GATAD1: variants seen among roughly 807,000 people sequenced by gnomAD.
GATAD1 encodes the protein GATA zinc finger domain-containing protein 1.
GATAD1 carries 12 observed loss-of-function variants against 26.5 expected under a neutral mutation model. The ratio of observed to expected loss-of-function variants is 0.45; its 90% CI spans 0.29 to 0.73. The LOEUF (loss-of-function observed/expected upper bound fraction) is 0.73, where lower values mean the gene tolerates loss of function less well. GATAD1 is among the 30% of genes least tolerant of loss of function. The pLI is 0.10. For synonymous variants in GATAD1, 129 were observed against 133.1 expected (o/e 0.97, Z 0.21); for missense variants, 266 against 342.1 (o/e 0.78, Z 1.75).
Position 92,459,487 on chromosome 7 carries a change from T to G in GATAD1, c.*2925T>G, listed in dbSNP as rs1447234372. ...GCTGAGGCCGGACCTGATATGGCCC[T>G]GGTCTGTGTTCCCAGCCTTGTTTCC... On this transcript the variant is annotated 3_prime_UTR_variant, in exon 5 of 5. Coordinates refer to ENST00000287957, the MANE Select transcript of GATAD1 (RefSeq NM_021167.5). 2 of 152,238 alleles carry G rather than the reference T, an allele frequency of 1.3e-5. No individual in the cohort carries two copies. The highest frequency in any genetic ancestry group is 6.5e-5 in the Admixed American group (1 of 15,282). 9.4% of individuals were successfully genotyped at this position (152,238 alleles called of 1,614,324 possible). A position where few individuals can be genotyped will look rare whatever the true frequency, so the allele number is the denominator to read the frequency against.
At chr7:92,483,094 G>C in the GATAD1 span, among the ~76,000 whole-genome samples, 1 of 152,228 alleles carries the variant, frequency 6.6e-6, no homozygotes, top group Non-Finnish European at 1.5e-5. Flanking sequence ...GTCAGTCAGA[G>C]AGCCTTGGGC....
At chr7:92,450,816 C>A in intron 3 of GATAD1, 56 bp downstream of exon 3, 1 of 1,063,418 alleles carries the variant, frequency 9.4e-7, no homozygotes, top group East Asian at 2.4e-5. Flanking sequence ...TAATGTGCCA[C>A]TAAAATGTTG....
the GATAD1 span, among the ~76,000 whole-genome samples, chr7:92,467,555 A>T: frequency 6.6e-6 from 1 of 152,208 alleles, no homozygotes; most frequent in South Asian, 2.1e-4. Context: ...CTTAGTACAT[A>T]TGGTACCTTT....
chr7:92,462,150 G>A (rs1466155483), downstream of GATAD1, among the ~76,000 whole-genome samples: 1 of 152,112 alleles, frequency 6.6e-6, no homozygotes, highest in Non-Finnish European at 1.5e-5. Flanking sequence ...ACCAAAAAAT[G>A]GGTATAAAAA....
chr7:92,477,432 C>G, the GATAD1 span: 1 of 152,358 alleles, frequency 6.6e-6, no homozygotes, highest in Non-Finnish European at 1.5e-5. Context: ...GGGGTCCTTG[C>G]TCACAGAGCT....
chr7:92,480,703 G>T, the GATAD1 span, among the ~76,000 whole-genome samples: 3 of 152,172 alleles, frequency 2.0e-5, no homozygotes, highest in African/African-American at 7.2e-5. Context: ...ATGGGAAGGA[G>T]AAAAACTGGC....
chr7:92,470,935 G>C, the GATAD1 span: 1 of 167,376 alleles, frequency 6.0e-6, no homozygotes, highest in Non-Finnish European at 1.5e-5. Flanking sequence ...TGTCCTTTGA[G>C]TGTTTCATTC....
the GATAD1 span, among the ~76,000 whole-genome samples, chr7:92,482,346 G>C: frequency 6.6e-6 from 1 of 152,224 alleles, no homozygotes; most frequent in Non-Finnish European, 1.5e-5. Flanking sequence ...GTGCTACAGG[G>C]TGGATAGGCA....
chr7:92,452,927 GACAA>G (rs1445116734), intron 3 of GATAD1, among the ~76,000 whole-genome samples: 8 of 152,318 alleles, frequency 5.3e-5, no homozygotes, highest in East Asian at 3.9e-4. Flanking sequence ...TATACATGTG[GACAA>G]ACAAACCATA....
the GATAD1 span, chr7:92,489,180 G>A: frequency 7.1e-6 from 7 of 989,760 alleles, no homozygotes; most frequent in Non-Finnish European, 1.1e-5. Flanking sequence ...TTTTGAATTA[G>A]CTTTTAAATA....
At chr7:92,477,607 A>C in the GATAD1 span, 1 of 153,240 alleles carries the variant, frequency 6.5e-6, no homozygotes, top group Non-Finnish European at 1.5e-5. Context: ...CGTGGGTCAC[A>C]GAAGAGAACC....
At chr7:92,468,986 G>C in the GATAD1 span, 2 of 760,256 alleles carry the variant, frequency 2.6e-6, no homozygotes, top group Non-Finnish European at 4.8e-6. Context: ...AAGATACAGG[G>C]TCCAAAGAGG....
chr7:92,462,056 C>T (rs1789938949), downstream of GATAD1, among the ~76,000 whole-genome samples: 1 of 152,116 alleles, frequency 6.6e-6, no homozygotes, highest in Admixed American at 6.5e-5. Flanking sequence ...CAATATGTAT[C>T]TATAATCTTA....
At chr7:92,484,770 C>T in the GATAD1 span, among the ~76,000 whole-genome samples, 1 of 152,168 alleles carries the variant, frequency 6.6e-6, no homozygotes, top group African/African-American at 2.4e-5. Context: ...TGGATGTCCT[C>T]ACAGAGTGAG....
chr7:92,484,310 G>GTAA, the GATAD1 span, among the ~76,000 whole-genome samples: 1 of 152,058 alleles, frequency 6.6e-6, no homozygotes, highest in Non-Finnish European at 1.5e-5. Context: ...AGTGAAGGAG[G>GTAA]TAAGTTTAAA....
Position 92,447,637 on chromosome 7 carries a change from C to T in GATAD1, c.-93C>T. 7.6e-7 allele frequency: 1 copy of T among 1,317,634 alleles called. No individual in the cohort carries two copies. The allele number at this position is 1,317,634 out of a possible 1,614,324, so 81.6% of individuals were successfully genotyped here. ...CCGACGCTCTCACCGCTCTTCCTAT[C>T]GCCGGGAGTGGCGGGCCGACCAGGG... On this transcript the variant is annotated 5_prime_UTR_variant, in exon 1 of 5. Transcript: ENST00000287957.
downstream of GATAD1, among the ~76,000 whole-genome samples, chr7:92,460,376 G>GTA (rs1455273373): frequency 2.0e-5 from 3 of 152,056 alleles, no homozygotes; most frequent in Admixed American, 2.0e-4. Context: ...TGGTAGGAGG[G>GTA]TATACCTCCT....
chr7:92,460,776 CAAA>C (rs557542327), downstream of GATAD1, among the ~76,000 whole-genome samples: 20 of 63,360 alleles, frequency 3.2e-4, no homozygotes, highest in Admixed American at 3.5e-4. Flanking sequence ...GACCTTCTCT[CAAA>C]AAAAAAAAAA....
chr7:92,477,088 T>C, the GATAD1 span, among the ~76,000 whole-genome samples: 1 of 152,206 alleles, frequency 6.6e-6, no homozygotes. Context: ...GGCTACACCA[T>C]GATCTCAACC....
Sources: allele counts gnomAD v4.1 joint callset (sites outside exome capture counted in the v4.1 genomes callset), GRCh38; gene constraint gnomAD v4.1.1; transcripts MANE v1.5; gene names NCBI Gene and HGNC (gene_info 2026-07-23, HGNC 2026-07-21).